The following FUT9 variants were observed in gnomAD, a reference collection of about 807,000 sequenced individuals.
FUT9 encodes 4-galactosyl-N-acetylglucosaminide 3-alpha-L-fucosyltransferase 9.
FUT9 carries 15 observed loss-of-function variants against 29.7 expected under a neutral mutation model. That is an observed-to-expected ratio of 0.51 (90% CI 0.34 to 0.78). FUT9 has a LOEUF of 0.78. Ranked by LOEUF, FUT9 falls within the 30% of genes least tolerant of loss-of-function variation. FUT9 has a pLI of 0.01. For synonymous variants in FUT9, 169 were observed against 153.7 expected (o/e 1.10, Z -0.74); for missense variants, 319 against 425.4 (o/e 0.75, Z 2.20).
intron 2 of FUT9, among the ~76,000 whole-genome samples, chr6:96,128,013 T>A (rs972599773): frequency 6.6e-6 from 1 of 152,102 alleles, no homozygotes; most frequent in Non-Finnish European, 1.5e-5. Context: ...TTTTGCTGTG[T>A]AGAAGCTCTT....
intron 2 of FUT9, among the ~76,000 whole-genome samples, chr6:96,154,470 CT>C (rs975181528): frequency 1.8e-4 from 28 of 152,026 alleles, no homozygotes; most frequent in African/African-American, 4.3e-4. Flanking sequence ...CATGTTTTTA[CT>C]TTTTTGTAAA....
chr6:96,044,909 T>C (rs185121625), intron 1 of FUT9, among the ~76,000 whole-genome samples: 10 of 152,328 alleles, frequency 6.6e-5, no homozygotes, highest in African/African-American at 2.4e-4. Context: ...TTACTGCTGA[T>C]ACATACAGCC....
chr6:96,142,147 A>G (rs529851321), intron 2 of FUT9, among the ~76,000 whole-genome samples: 149 of 152,368 alleles, frequency 9.8e-4, no homozygotes, highest in Non-Finnish European at 1.5e-3. Flanking sequence ...AACAGGGTAT[A>G]GAAATATGGC....
chr6:96,046,151 G>GT (rs11314020), intron 1 of FUT9, among the ~76,000 whole-genome samples: 47 of 145,350 alleles, frequency 3.2e-4, no homozygotes, highest in African/African-American at 7.1e-4. Flanking sequence ...TTTCAAAGTT[G>GT]TTTTTTTTTT....
intron 1 of FUT9, among the ~76,000 whole-genome samples, chr6:96,032,710 C>A (rs956160163): frequency 6.6e-6 from 1 of 151,548 alleles, no homozygotes; most frequent in African/African-American, 2.4e-5. Context: ...CTTTTCAGAA[C>A]TCCCTGTTCT....
chr6:96,077,317 G>T (rs1399071381), intron 1 of FUT9, among the ~76,000 whole-genome samples: 1 of 152,086 alleles, frequency 6.6e-6, no homozygotes, highest in Non-Finnish European at 1.5e-5. Flanking sequence ...TTAGGATTGT[G>T]TAGGTACTCA....
chr6:96,076,907 G>A (rs551949887), intron 1 of FUT9, among the ~76,000 whole-genome samples: 2 of 152,060 alleles, frequency 1.3e-5, no homozygotes, highest in Non-Finnish European at 2.9e-5. Flanking sequence ...CTGTAATAAG[G>A]AAACTTTGAT....
chr6:96,155,455 C>G (rs968268810), intron 2 of FUT9, among the ~76,000 whole-genome samples: 25 of 151,984 alleles, frequency 1.6e-4, no homozygotes, highest in Admixed American at 1.4e-3. Flanking sequence ...ATAAGAAAAG[C>G]AAGAGCTGGA....
chr6:96,211,338 A>G lies in FUT9; in HGVS notation c.*7103A>G, dbSNP rs1013220469. The G allele has an allele frequency of 1.2e-5, 2 of 166,856 alleles. No individual in the cohort carries two copies. Among genetic ancestry groups the G allele is most frequent in the African/African-American group, 4.8e-5 (2 of 41,428 alleles). The allele number at this position is 166,856 out of a possible 1,614,324, so 10.3% of individuals were successfully genotyped here. ...TTTGTAGTCAATTTAACTTATTATC[A>G]GTTGGTATAGCGCATGTCACAGAAT... On this transcript the variant is annotated 3_prime_UTR_variant, in exon 3 of 3. Coordinates refer to ENST00000302103, the MANE Select transcript of FUT9 (RefSeq NM_006581.4).
chr6:96,113,727 G>A (rs186237401), intron 1 of FUT9, among the ~76,000 whole-genome samples: 3,859 of 151,496 alleles, frequency 0.025, 71 homozygotes, highest in East Asian at 0.079. Flanking sequence ...GGTGGCGGGC[G>A]CCTGTAGTCC....
intron 2 of FUT9, among the ~76,000 whole-genome samples, chr6:96,175,170 A>G (rs753777735): frequency 1.6e-4 from 24 of 152,064 alleles, no homozygotes; most frequent in Non-Finnish European, 2.8e-4. Flanking sequence ...AAGCTAAAGG[A>G]ATATCTTGTG....
intron 1 of FUT9, among the ~76,000 whole-genome samples, chr6:96,025,159 CTT>C (rs1228050194): frequency 6.6e-6 from 1 of 151,720 alleles, no homozygotes; most frequent in Non-Finnish European, 1.5e-5. Flanking sequence ...ACACATTACT[CTT>C]TACTATTGTC....
intron 2 of FUT9, among the ~76,000 whole-genome samples, chr6:96,122,394 GTTACTTTTCTTA>G (rs1311542022): frequency 1.3e-5 from 2 of 151,988 alleles, no homozygotes; most frequent in Non-Finnish European, 2.9e-5. Context: ...TACACTTTAG[GTTACTTTTCTTA>G]TTACACAAAC....
At chr6:96,036,428 C>T (rs1002581174) in intron 1 of FUT9, among the ~76,000 whole-genome samples, 1 of 151,642 alleles carries the variant, frequency 6.6e-6, no homozygotes, top group African/African-American at 2.4e-5. Context: ...TTTGCATAAT[C>T]GTGATGGTGC....
intron 1 of FUT9, among the ~76,000 whole-genome samples, chr6:96,082,993 G>T (rs1375329583): frequency 6.6e-6 from 1 of 151,884 alleles, no homozygotes; most frequent in Non-Finnish European, 1.5e-5. Context: ...AATTTTTTTA[G>T]CTGGAAAATG....
At chr6:96,188,658 T>A (rs1168716995) in intron 2 of FUT9, among the ~76,000 whole-genome samples, 1 of 151,128 alleles carries the variant, frequency 6.6e-6, no homozygotes, top group African/African-American at 2.4e-5. Flanking sequence ...TGTGTGTGTG[T>A]GTGTTTAAAC....
At chr6:96,104,331 G>A (rs2127957975) in intron 1 of FUT9, among the ~76,000 whole-genome samples, 1 of 152,234 alleles carries the variant, frequency 6.6e-6, no homozygotes, top group Admixed American at 6.5e-5. Flanking sequence ...CACTTTTAGA[G>A]TAAATATTTT....
intron 1 of FUT9, among the ~76,000 whole-genome samples, chr6:96,093,542 A>G (rs1281175308): frequency 6.6e-6 from 1 of 152,152 alleles, no homozygotes; most frequent in Non-Finnish European, 1.5e-5. Flanking sequence ...TATGTTAAGA[A>G]ATTACATTGA....
chr6:96,083,445 C>A (rs1337359988), intron 1 of FUT9, among the ~76,000 whole-genome samples: 1 of 152,018 alleles, frequency 6.6e-6, no homozygotes, highest in East Asian at 1.9e-4. Flanking sequence ...TCTCTGGATG[C>A]ATTGACTTAC....
Sources: allele counts gnomAD v4.1 joint callset (sites outside exome capture counted in the v4.1 genomes callset), GRCh38; gene constraint gnomAD v4.1.1; transcripts MANE v1.5; gene names NCBI Gene and HGNC (gene_info 2026-07-23, HGNC 2026-07-21).